ARHGEF4: variants seen among roughly 807,000 people sequenced by gnomAD.
ARHGEF4 encodes APC-stimulated guanine nucleotide exchange factor 1.
ARHGEF4 carries 119 observed loss-of-function variants against 162.0 expected under a neutral mutation model. The observed-to-expected ratio is 0.73, with a 90% CI of 0.63 to 0.86. The LOEUF is 0.86. Ranked by LOEUF, ARHGEF4 falls within the 40% of genes least tolerant of loss-of-function variation. The probability of loss-of-function intolerance (pLI) is 0.00; values close to 1 mark genes in which losing one functional copy is unlikely to be tolerated. For missense variants in ARHGEF4, 2,488 were observed against 2,456.0 expected (o/e 1.01, Z -0.28); for synonymous variants, 1,014 against 979.9 (o/e 1.03, Z -0.65).
At chr2:130,911,883 G>A (rs369401387) in intron 1 of ARHGEF4, among the ~76,000 whole-genome samples, 1 of 152,220 alleles carries the variant, frequency 6.6e-6, no homozygotes, top group African/African-American at 2.4e-5. Context: ...GGTCCTGATC[G>A]TTAGTCATTT....
chr2:130,854,482 C>T (rs1681621350), intron 1 of ARHGEF4, among the ~76,000 whole-genome samples: 2 of 152,214 alleles, frequency 1.3e-5, no homozygotes, highest in African/African-American at 4.8e-5. Context: ...GGCTGCACCC[C>T]AGGAGGGTCA....
At chr2:131,011,614 C>T in intron 4 of ARHGEF4, 4 of 1,529,582 alleles carry the variant, frequency 2.6e-6, no homozygotes, top group Non-Finnish European at 3.5e-6. Flanking sequence ...TTGGTCGTTC[C>T]TGGTAGCTTC....
At chr2:130,960,785 T>TA (rs1423399055) in intron 4 of ARHGEF4, among the ~76,000 whole-genome samples, 1 of 152,048 alleles carries the variant, frequency 6.6e-6, no homozygotes, top group Admixed American at 6.6e-5. Flanking sequence ...CCTTTGATGG[T>TA]AAGTGTTAAT....
intron 4 of ARHGEF4, among the ~76,000 whole-genome samples, chr2:131,010,549 G>T (rs1688381428): frequency 6.6e-6 from 1 of 152,222 alleles, no homozygotes; most frequent in Non-Finnish European, 1.5e-5. Flanking sequence ...GGTTTTGGAT[G>T]ACGCTAATGG....
Position 130,946,496 on chromosome 2 carries a change from C to T in ARHGEF4, c.3859-13C>T. Reference sequence around the variant, plus strand: ...TTCTTCATTTGCCCTCTGTCTCTTTCCTCCTCTTCCAGTGCTGGAGAAAGA... The same window carrying T: ...TTCTTCATTTGCCCTCTGTCTCTTTTCTCCTCTTCCAGTGCTGGAGAAAGA... On this transcript the variant is annotated splice_polypyrimidine_tract_variant and intron_variant, in intron 3 of 13. Transcript: ENST00000409359. The T allele has an allele frequency of 1.2e-6, 2 of 1,602,524 alleles. No homozygotes were observed. The highest frequency in any genetic ancestry group is 1.7e-6 in the Non-Finnish European group (2 of 1,173,418).
intron 2 of ARHGEF4, among the ~76,000 whole-genome samples, chr2:130,923,458 A>G (rs1246774376): frequency 1.3e-5 from 2 of 152,248 alleles, no homozygotes; most frequent in South Asian, 2.1e-4. Flanking sequence ...CTGTAGCTGT[A>G]CAGTAAGCAT....
intron 1 of ARHGEF4, among the ~76,000 whole-genome samples, chr2:130,849,767 C>T (rs1487170768): frequency 2.0e-5 from 3 of 152,012 alleles, no homozygotes; most frequent in African/African-American, 7.2e-5. Context: ...AGTGTTTCAC[C>T]ACGTCCAGTC....
chr2:131,039,026 C>A lies in ARHGEF4; in HGVS notation c.4299C>A (p.Phe1433Leu). 1 of 1,611,370 alleles carries A rather than the reference C, an allele frequency of 6.2e-7. No homozygotes were observed. The highest frequency in any genetic ancestry group is 1.7e-5 in the Admixed American group (1 of 59,866). ...GCGAGGGCTGGTTTCCAGCCAGCTT[C>A]GTTCGGGTATGGTTCCAAGCCCCAG... Reference protein sequence around the residue: ...ADGEGWFPASFVRLRVNQDEP... With the variant: ...ADGEGWFPASLVRLRVNQDEP... Residue 1433 changes from phenylalanine (F) to leucine (L), a missense_variant, in exon 6 of 14, where the codon TTC becomes TTA. Phe to Leu is a conservative substitution (Grantham distance 22). Coordinates refer to ENST00000409359, the MANE Select transcript of ARHGEF4 (RefSeq NM_001367493.1).
intron 12 of ARHGEF4, among the ~76,000 whole-genome samples, 195 bp downstream of exon 12, chr2:131,044,737 C>T (rs575912079): frequency 6.6e-6 from 1 of 152,386 alleles, no homozygotes; most frequent in East Asian, 1.9e-4. Flanking sequence ...GGTTACCTGA[C>T]CGCATCCCAT....
intron 1 of ARHGEF4, among the ~76,000 whole-genome samples, chr2:130,880,340 C>T (rs545830850): frequency 6.6e-6 from 1 of 152,208 alleles, no homozygotes; most frequent in Non-Finnish European, 1.5e-5. Flanking sequence ...GAAAAACCAG[C>T]TCTGCCTTCC....
intron 2 of ARHGEF4, among the ~76,000 whole-genome samples, chr2:130,926,736 G>T (rs1682310689): frequency 7.5e-6 from 1 of 133,098 alleles, no homozygotes; most frequent in Non-Finnish European, 1.6e-5. Context: ...AAAGAGGAAA[G>T]AAACACAAAA....
Position 130,915,767 on chromosome 2 carries a change from G to A in ARHGEF4, c.1821G>A (p.Gly607=). Residue 607 remains glycine, a synonymous_variant, in exon 2 of 14, where the codon GGG becomes GGA. Coordinates refer to ENST00000409359, the MANE Select transcript of ARHGEF4 (RefSeq NM_001367493.1). ...CCGGGGCTGAGGAGGGTGAACAGGG[G>A]CCTGGGGGTGCCGGGGGCCGGCAGC... The part of the protein sequence containing the change: ...CGPGAEEGEQ[G]PGGAGGRQLE... 2 of 1,531,470 alleles carry A rather than the reference G, an allele frequency of 1.3e-6. No homozygotes were observed. The highest frequency in any genetic ancestry group is 1.2e-5 in the South Asian group (1 of 81,312). The allele number at this position is 1,531,470 out of a possible 1,614,324, so 94.9% of individuals were successfully genotyped here.
At chr2:130,922,777 T>G (rs72855764) in intron 2 of ARHGEF4, among the ~76,000 whole-genome samples, 29,057 of 151,004 alleles carry the variant, frequency 0.19, 2,944 homozygotes, top group South Asian at 0.31. Flanking sequence ...TTTTTTTCAC[T>G]CTCTTGTGGG....
At chr2:130,969,594 G>T (rs1311286420) in intron 4 of ARHGEF4, among the ~76,000 whole-genome samples, 1 of 150,206 alleles carries the variant, frequency 6.7e-6, no homozygotes, top group Non-Finnish European at 1.5e-5. Flanking sequence ...GTGAGACTCC[G>T]TCTCAAAAAA....
chr2:130,896,404 A>G (rs907162126), intron 1 of ARHGEF4, among the ~76,000 whole-genome samples: 7 of 152,216 alleles, frequency 4.6e-5, no homozygotes, highest in Non-Finnish European at 1.0e-4. Flanking sequence ...GCAATGGCTC[A>G]GGGCTGCCAT....
rs1385703500 is a variant in ARHGEF4, at chr2:130,959,527, A to T, written c.3985+12892A>T. Among the ~76,000 whole-genome samples the T allele has an allele frequency of 2.0e-5, 3 of 152,250 alleles. No homozygotes were observed. In the East Asian group the frequency reaches 5.8e-4, roughly 29 times the overall value. On this transcript the variant is annotated intron_variant, in intron 4 of 13. Transcript: ENST00000409359. ...AAATGGGGCTAAAATAGTAGCTATC[A>T]GATAAAGTTGTAGATATTAAATAGT... is the stretch of plus-strand genomic sequence containing the variant.
chr2:130,941,531 A>T (rs1387199100), intron 3 of ARHGEF4, among the ~76,000 whole-genome samples: 1 of 152,102 alleles, frequency 6.6e-6, no homozygotes, highest in Non-Finnish European at 1.5e-5. Context: ...CTCCTGAAAA[A>T]TTTAACTATT....
intron 4 of ARHGEF4, among the ~76,000 whole-genome samples, chr2:130,947,483 C>T (rs78050150): frequency 3.9e-5 from 6 of 152,248 alleles, no homozygotes; most frequent in East Asian, 3.9e-4. Context: ...CCCTTCGTCT[C>T]GTAGTAGGAT....
intron 1 of ARHGEF4, among the ~76,000 whole-genome samples, chr2:130,855,198 A>G (rs1681689540): frequency 6.6e-6 from 1 of 151,994 alleles, no homozygotes; most frequent in Non-Finnish European, 1.5e-5. Context: ...TACTTGAAAC[A>G]AAAAGTTGGA....
Sources: allele counts gnomAD v4.1 joint callset (sites outside exome capture counted in the v4.1 genomes callset), GRCh38; gene constraint gnomAD v4.1.1; transcripts MANE v1.5; gene names NCBI Gene and HGNC (gene_info 2026-07-23, HGNC 2026-07-21).